EEA1: variants seen among roughly 807,000 people sequenced by gnomAD.
EEA1 encodes the protein early endosome antigen 1.
EEA1 carries 111 observed loss-of-function variants against 209.2 expected under a neutral mutation model. The ratio of observed to expected loss-of-function variants is 0.53; its 90% CI spans 0.45 to 0.62. The LOEUF is 0.62. Among genes scored for constraint, EEA1 ranks in the 20% least tolerant of loss-of-function variants. The pLI, the probability that EEA1 is intolerant of heterozygous loss-of-function variation, is 0.00. For missense variants in EEA1, 1,343 were observed against 1,530.8 expected, an observed-to-expected ratio of 0.88 and a Z score of 2.05; for synonymous variants, 536 against 540.6, an observed-to-expected ratio of 0.99 and a Z score of 0.12.
In EEA1 at chr12:92,798,345, A is replaced by T. The variant is rs1042106635; in HGVS notation, c.2967+547T>A. ...TTTCCTTAAGTGTTACATTATTATTATTATTATTTTTTTTTGAGACAGAGT... is the reference window on the plus strand; with the variant it reads ...TTTCCTTAAGTGTTACATTATTATTTTTATTATTTTTTTTTGAGACAGAGT... On this transcript the variant is annotated intron_variant, in intron 21 of 28. Coordinates refer to ENST00000322349, the MANE Select transcript of EEA1 (RefSeq NM_003566.4). Among the ~76,000 whole-genome samples, 596 of 149,582 alleles carry T rather than the reference A, an allele frequency of 4.0e-3. 6 individuals carry two copies. The highest frequency in any genetic ancestry group is 0.017 in the Middle Eastern group (5 of 294).
intron 16 of EEA1, among the ~76,000 whole-genome samples, chr12:92,811,861 A>C (rs981269741): frequency 7.3e-5 from 11 of 150,778 alleles, no homozygotes; most frequent in African/African-American, 1.2e-4. Flanking sequence ...CAGTTGCACA[A>C]AAAAAAAAAA....
rs1404772229 is a variant in EEA1, at chr12:92,773,763, G to A, written c.*2248C>T. 5 of 151,498 alleles carry A rather than the reference G, an allele frequency of 3.3e-5. No homozygotes were observed. Among genetic ancestry groups the A allele is most frequent in the South Asian group, 2.1e-4 (1 of 4,816 alleles). 9.4% of individuals were successfully genotyped at this position (151,498 alleles called of 1,614,324 possible). ...GGAAAAAAATTTAAATTTTTATTTCGAAAACACATTAAATTGGGGAGAGTT... is the reference window on the plus strand; with the variant it reads ...GGAAAAAAATTTAAATTTTTATTTCAAAAACACATTAAATTGGGGAGAGTT... On this transcript the variant is annotated 3_prime_UTR_variant, in exon 29 of 29. Coordinates refer to ENST00000322349, the MANE Select transcript of EEA1 (RefSeq NM_003566.4).
chr12:92,789,216 G>A (rs1874276192), intron 21 of EEA1, among the ~76,000 whole-genome samples: 1 of 151,526 alleles, frequency 6.6e-6, no homozygotes, highest in Non-Finnish European at 1.5e-5. Flanking sequence ...CCTGAACACA[G>A]GAGGTGGATG....
chr12:92,782,820 G>A (rs768430743), intron 22 of EEA1, among the ~76,000 whole-genome samples: 2 of 152,078 alleles, frequency 1.3e-5, no homozygotes, highest in African/African-American at 2.4e-5. Flanking sequence ...TTTTCTGATT[G>A]TGAGTCTTAA....
At chr12:92,778,883 T>A (rs1054953523) in intron 25 of EEA1, among the ~76,000 whole-genome samples, 18 of 152,092 alleles carry the variant, frequency 1.2e-4, no homozygotes, top group African/African-American at 3.9e-4. Context: ...CAAAAAAAAT[T>A]TTTTAATTTT....
chr12:92,883,708 T>C, intron 2 of EEA1: 1 of 856,532 alleles, frequency 1.2e-6, no homozygotes, highest in South Asian at 1.6e-5. Context: ...GTTCATCAGC[T>C]TGTTCTTTTC....
chr12:92,863,370 T>A (rs1181793350), intron 3 of EEA1, among the ~76,000 whole-genome samples: 2 of 152,252 alleles, frequency 1.3e-5, no homozygotes, highest in Non-Finnish European at 2.9e-5. Flanking sequence ...TGGCAGCTTC[T>A]GCTTCTTTCC....
chr12:92,785,860 G>T (rs1051261240), intron 22 of EEA1, among the ~76,000 whole-genome samples: 2 of 152,012 alleles, frequency 1.3e-5, no homozygotes, highest in African/African-American at 4.8e-5. Context: ...TTCTCTTTTT[G>T]CCCATATTTA....
chr12:92,882,497 G>C (rs1312340717), intron 2 of EEA1, among the ~76,000 whole-genome samples: 3 of 150,232 alleles, frequency 2.0e-5, no homozygotes, highest in Admixed American at 1.3e-4. Flanking sequence ...TGAGCTTTGG[G>C]GTACAAATGA....
chr12:92,847,866 G>A (rs980389159), intron 9 of EEA1, among the ~76,000 whole-genome samples: 19 of 152,042 alleles, frequency 1.2e-4, no homozygotes, highest in Admixed American at 4.6e-4. Context: ...ATGCGACCAC[G>A]TTTTAAGTGC....
chr12:92,830,684 A>T (rs182145603), intron 11 of EEA1, among the ~76,000 whole-genome samples: 1 of 152,310 alleles, frequency 6.6e-6, no homozygotes, highest in Non-Finnish European at 1.5e-5. Context: ...GCAGTGAAGA[A>T]TAAGGAAAAG....
chr12:92,879,220 A>C, intron 2 of EEA1: 2 of 142,578 alleles, frequency 1.4e-5, no homozygotes, highest in East Asian at 2.9e-4. Context: ...TTTTTTTTGT[A>C]TTTTGGAATA....
chr12:92,838,359 C>T (rs899158610), intron 10 of EEA1, among the ~76,000 whole-genome samples: 1 of 152,138 alleles, frequency 6.6e-6, no homozygotes, highest in East Asian at 1.9e-4. Flanking sequence ...ATCATCAACA[C>T]TCACTGCTTG....
In EEA1 at chr12:92,826,289, A is replaced by G; in HGVS notation, c.1405-4T>C. ...AATTTGTAACTTTTTCCTTCAACTT[A>G]AAAAAATGTAGATTGTCAATTGAGA... On this transcript the variant is annotated splice_region_variant and splice_polypyrimidine_tract_variant and intron_variant, in intron 12 of 28. Coordinates refer to ENST00000322349, the MANE Select transcript of EEA1 (RefSeq NM_003566.4). 6.2e-7 allele frequency: 1 copy of G among 1,605,566 alleles called. No homozygotes were observed. The highest frequency in any genetic ancestry group is 8.5e-7 in the Non-Finnish European group (1 of 1,173,558).
chr12:92,775,474 A>G lies in EEA1; in HGVS notation c.*537T>C, dbSNP rs879734383. 1.3e-5 allele frequency: 2 copies of G among 152,042 alleles called. No individual in the cohort carries two copies. The highest frequency in any genetic ancestry group is 1.9e-4 in the East Asian group (1 of 5,198). The allele number at this position is 152,042 out of a possible 1,614,324, so 9.4% of individuals were successfully genotyped here. On this transcript the variant is annotated 3_prime_UTR_variant, in exon 29 of 29. Transcript: ENST00000322349. Reference sequence around the variant, plus strand: ...AACACCCAAGTAGTAAATTCATAACATAACAATGCAACTGAACCATGAACC... The same window carrying G: ...AACACCCAAGTAGTAAATTCATAACGTAACAATGCAACTGAACCATGAACC...
intron 2 of EEA1, among the ~76,000 whole-genome samples, chr12:92,868,324 T>A (rs1475450402): frequency 2.0e-5 from 3 of 152,254 alleles, no homozygotes; most frequent in Non-Finnish European, 4.4e-5. Context: ...CTAGTAGATA[T>A]GCCTTTAGTG....
rs193290437 is a variant in EEA1, at chr12:92,831,362, T to G, written c.1254+1150A>C. Among the ~76,000 whole-genome samples the G allele has an allele frequency of 2.1e-3, 317 of 151,310 alleles. 2 individuals are homozygous for G. Among genetic ancestry groups the G allele is most frequent in the African/African-American group, 7.2e-3 (298 of 41,410 alleles). On this transcript the variant is annotated intron_variant, in intron 11 of 28. Coordinates refer to ENST00000322349, the MANE Select transcript of EEA1 (RefSeq NM_003566.4). ...AAAACTTGCATTAAACTTCATCTGA[T>G]AGCCACTATATTATTAACCTATACA...
At chr12:92,854,340 T>G (rs1285273721) in intron 5 of EEA1, among the ~76,000 whole-genome samples, 1 of 152,218 alleles carries the variant, frequency 6.6e-6, no homozygotes, top group Non-Finnish European at 1.5e-5. Context: ...AGCTTTGAAA[T>G]AACTTCTAAC....
chr12:92,790,315 T>C lies in EEA1; in HGVS notation c.2968-2266A>G, dbSNP rs186548455. ...GTTGACAGATGTAGGCTTCAGAAGG[T>C]TGGTAATAACGAACTTCTCCGAGCT... On this transcript the variant is annotated intron_variant, in intron 21 of 28. Coordinates refer to ENST00000322349, the MANE Select transcript of EEA1 (RefSeq NM_003566.4). Among the ~76,000 whole-genome samples the C allele has an allele frequency of 1.5e-3, 236 of 152,308 alleles. 1 individual carries two copies. Among genetic ancestry groups the C allele is most frequent in the African/African-American group, 5.5e-3 (229 of 41,570 alleles).
Sources: gnomAD v4.1 joint callset for allele counts (sites outside exome capture counted in the v4.1 genomes callset) on GRCh38, gnomAD v4.1.1 for gene constraint, MANE v1.5 for transcripts, NCBI Gene and HGNC (gene_info 2026-07-23, HGNC 2026-07-21) for gene names.